PPP3CC: variants seen among roughly 807,000 people sequenced by gnomAD.
PPP3CC encodes serine/threonine-protein phosphatase 2B catalytic subunit gamma isoform.
In PPP3CC, 35 loss-of-function variants were observed where a neutral mutation model predicts 60.3. The observed-to-expected ratio is 0.58, with a 90% confidence interval of 0.44 to 0.77. The LOEUF is 0.77. Ranked by LOEUF, PPP3CC falls within the 30% of genes least tolerant of loss-of-function variation. PPP3CC has a pLI of 0.00. For missense variants in PPP3CC, 570 were observed against 628.9 expected (o/e 0.91, Z 1.00); for synonymous variants, 206 against 224.3 (o/e 0.92, Z 0.73).
intron 4 of PPP3CC, among the ~76,000 whole-genome samples, chr8:22,506,705 G>A (rs1838930983): frequency 6.6e-6 from 1 of 152,008 alleles, no homozygotes; most frequent in African/African-American, 2.4e-5. Context: ...ACTTTGGGAG[G>A]CCGAGGCGGG....
At chr8:22,441,592 G>A in intron 1 of PPP3CC, 134 bp downstream of exon 1, 1 of 994,298 alleles carries the variant, frequency 1.0e-6, no homozygotes, top group Non-Finnish European at 1.3e-6. Context: ...AGACAGAGCC[G>A]GGCGGCAGCC....
intron 3 of PPP3CC, among the ~76,000 whole-genome samples, chr8:22,488,431 AATG>A (rs1175395628): frequency 6.6e-6 from 1 of 152,232 alleles, no homozygotes. Flanking sequence ...AATTACGTAC[AATG>A]ATGTTTGAAT....
At chr8:22,505,024 A>ATT (rs34116717) in intron 4 of PPP3CC, among the ~76,000 whole-genome samples, 1,680 of 115,950 alleles carry the variant, frequency 0.014, 87 homozygotes, top group African/African-American at 0.037. Flanking sequence ...CCACGAACCT[A>ATT]TTTTTTTTTT....
At chr8:22,492,674 A>G in intron 3 of PPP3CC, 1 of 763,088 alleles carries the variant, frequency 1.3e-6, no homozygotes, top group Non-Finnish European at 2.3e-6. Context: ...ACAAGTGCGC[A>G]TTGGTGGGAA....
chr8:22,535,666 G>C (rs773814852), intron 12 of PPP3CC, among the ~76,000 whole-genome samples: 1 of 152,066 alleles, frequency 6.6e-6, no homozygotes, highest in Non-Finnish European at 1.5e-5. Flanking sequence ...TGGCCATCCT[G>C]CCATTTATAG....
chr8:22,474,381 G>A (rs1837823552), intron 1 of PPP3CC, among the ~76,000 whole-genome samples: 1 of 151,976 alleles, frequency 6.6e-6, no homozygotes, highest in Admixed American at 6.6e-5. Context: ...CTTGTTCCCT[G>A]AATCAGCTTC....
chr8:22,477,283 C>T lies in PPP3CC; in HGVS notation c.372+1659C>T, dbSNP rs566192727. Among the ~76,000 whole-genome samples the T allele has an allele frequency of 2.0e-5, 3 of 152,194 alleles. No individual in the cohort carries two copies. In the South Asian group the frequency reaches 6.2e-4, roughly 32 times the overall value. On this transcript the variant is annotated intron_variant, in intron 3 of 13. Transcript: ENST00000240139. The stretch of plus-strand genomic sequence containing the variant: ...CCTGAGGTCAGGAGTTCGAGACCAG[C>T]CTGGCCAACATGGTGAAACCCCATC...
chr8:22,534,124 G>A (rs866437585), intron 12 of PPP3CC, among the ~76,000 whole-genome samples: 3 of 151,418 alleles, frequency 2.0e-5, no homozygotes, highest in Non-Finnish European at 1.5e-5. Context: ...ACTGGAACCC[G>A]GGAGGTGGAG....
At chr8:22,518,907 G>T (rs553409899) in intron 6 of PPP3CC, among the ~76,000 whole-genome samples, 1 of 151,944 alleles carries the variant, frequency 6.6e-6, no homozygotes, top group African/African-American at 2.4e-5. Flanking sequence ...GGCTGGTTTC[G>T]AACTCCTGAC....
At chr8:22,499,513 G>A (rs1193885416) in intron 4 of PPP3CC, among the ~76,000 whole-genome samples, 1 of 152,122 alleles carries the variant, frequency 6.6e-6, no homozygotes, top group African/African-American at 2.4e-5. Context: ...AGATAACATG[G>A]TGGGAGGCTG....
intron 4 of PPP3CC, among the ~76,000 whole-genome samples, chr8:22,501,303 G>A (rs564861253): frequency 1.3e-5 from 2 of 152,278 alleles, no homozygotes; most frequent in East Asian, 3.9e-4. Context: ...CTTTTTAAAT[G>A]CTGCATAAAA....
At chr8:22,521,980 C>T (rs1009160443) in intron 6 of PPP3CC, among the ~76,000 whole-genome samples, 10 of 150,200 alleles carry the variant, frequency 6.7e-5, no homozygotes, top group Admixed American at 5.3e-4. Flanking sequence ...AAAAACAAAC[C>T]TATATATATA....
intron 1 of PPP3CC, among the ~76,000 whole-genome samples, chr8:22,453,883 G>A (rs886795233): frequency 1.3e-5 from 2 of 152,140 alleles, no homozygotes; most frequent in African/African-American, 4.8e-5. Flanking sequence ...ACCTGTGGAG[G>A]GCACTTAACA....
rs566446634 is a variant in PPP3CC, at chr8:22,494,849, C to T, written c.373-3152C>T. Among the ~76,000 whole-genome samples the T allele has an allele frequency of 4.5e-4, 68 of 152,232 alleles. 1 individual carries two copies. Among genetic ancestry groups the T allele is most frequent in the African/African-American group, 1.6e-3 (67 of 41,546 alleles). Reference sequence around the variant, plus strand: ...CTCTTCAGTTTCTGGTTTATCTTTCCTGCATTTTTTATGTACAAAGTAGAT... The same window carrying T: ...CTCTTCAGTTTCTGGTTTATCTTTCTTGCATTTTTTATGTACAAAGTAGAT... On this transcript the variant is annotated intron_variant, in intron 3 of 13. Transcript: ENST00000240139.
At chr8:22,442,801 A>G (rs1005400252) in intron 1 of PPP3CC, among the ~76,000 whole-genome samples, 1 of 152,226 alleles carries the variant, frequency 6.6e-6, no homozygotes, top group Non-Finnish European at 1.5e-5. Flanking sequence ...CATTATGTAC[A>G]TTAATTTCTG....
intron 10 of PPP3CC, among the ~76,000 whole-genome samples, chr8:22,530,418 A>G (rs999575318): frequency 7.2e-5 from 11 of 151,994 alleles, no homozygotes; most frequent in African/African-American, 2.7e-4. Flanking sequence ...TCTTGCCACT[A>G]CACTCTAGCC....
intron 1 of PPP3CC, among the ~76,000 whole-genome samples, chr8:22,447,005 G>A (rs74951153): frequency 0.024 from 3,630 of 151,552 alleles, 151 homozygotes; most frequent in African/African-American, 0.077. Flanking sequence ...TATAATGCCC[G>A]TTTATAGTTT....
intron 10 of PPP3CC, among the ~76,000 whole-genome samples, chr8:22,529,067 G>A (rs1471117468): frequency 6.6e-6 from 1 of 152,172 alleles, no homozygotes; most frequent in Non-Finnish European, 1.5e-5. Context: ...GTACTGTATT[G>A]TTTAGGTCCT....
At chr8:22,528,656 TTTTC>T (rs1180103938) in intron 10 of PPP3CC, 79 bp downstream of exon 10, 23 of 1,053,526 alleles carry the variant, frequency 2.2e-5, no homozygotes, top group Non-Finnish European at 1.8e-5. Context: ...TTTTGAATGA[TTTTC>T]TTTGTCTTAT....
Sources: gnomAD v4.1 joint callset for allele counts (sites outside exome capture counted in the v4.1 genomes callset) on GRCh38, gnomAD v4.1.1 for gene constraint, MANE v1.5 for transcripts, NCBI Gene and HGNC (gene_info 2026-07-23, HGNC 2026-07-21) for gene names.